XCL1: variants seen among roughly 807,000 people sequenced by gnomAD.
The protein encoded by XCL1 is lymphotactin.
XCL1 carries 6 observed loss-of-function variants against 7.4 expected under a neutral mutation model. The ratio of observed to expected loss-of-function variants is 0.82; its 90% CI spans 0.45 to 1.61. The LOEUF is 1.61. Ranked by LOEUF, XCL1 falls within the 40% of genes most tolerant of loss-of-function variation. XCL1 has a pLI of 0.01. For synonymous variants in XCL1, 48 were observed against 52.4 expected, an observed-to-expected ratio of 0.92 and a Z score of 0.36; for missense variants, 122 against 138.2, an observed-to-expected ratio of 0.88 and a Z score of 0.59.
chr1:168,576,886 A>C (rs1425803470), intron 1 of XCL1, among the ~76,000 whole-genome samples, 188 bp downstream of exon 1: 1 of 152,134 alleles, frequency 6.6e-6, no homozygotes, highest in Non-Finnish European at 1.5e-5. Context: ...AAACAGGGAG[A>C]ATTTGATTAG....
chr1:168,578,266 C>G (rs1655073628), intron 1 of XCL1, among the ~76,000 whole-genome samples: 1 of 152,108 alleles, frequency 6.6e-6, no homozygotes, highest in African/African-American at 2.4e-5. Context: ...TTTGTTTAGT[C>G]CCTTGCTTTA....
chr1:168,581,292 T>C lies in XCL1; in HGVS notation c.*72T>C. The stretch of plus-strand genomic sequence containing the variant: ...TTTACACGCTCATGGACTGAGTTTA[T>C]ACTCACCTTTTATGAAAGCACTGCA... On this transcript the variant is annotated 3_prime_UTR_variant, in exon 3 of 3. Transcript: ENST00000367818. The C allele has an allele frequency of 1.1e-5, 17 of 1,550,466 alleles. No individual in the cohort carries two copies. The Admixed American group carries it at 1.2e-4, about 11-fold the overall frequency.
rs376775998 is a variant in XCL1, at chr1:168,576,747, G to A, written c.61+49G>A. 6.2e-6 allele frequency: 10 copies of A among 1,613,026 alleles called. No homozygotes were observed. In the African/African-American group the frequency reaches 8.0e-5, roughly 13 times the overall value. On this transcript the variant is annotated intron_variant, in intron 1 of 2. Coordinates refer to ENST00000367818, the MANE Select transcript of XCL1 (RefSeq NM_002995.3). ...GATAAAGAACAGGGAGGCAAGGCAG[G>A]TGGGCACACATTTTGGGTTTGACTC...
intron 1 of XCL1, among the ~76,000 whole-genome samples, chr1:168,576,952 T>G (rs952094103): frequency 3.3e-5 from 5 of 152,204 alleles, no homozygotes; most frequent in African/African-American, 9.7e-5. Flanking sequence ...CCTTAACCAC[T>G]CAGGGCCTGT....
At chr1:168,577,560 T>G (rs1291270740) in intron 1 of XCL1, among the ~76,000 whole-genome samples, 1 of 152,170 alleles carries the variant, frequency 6.6e-6, no homozygotes, top group Non-Finnish European at 1.5e-5. Context: ...TGTGTTCTAG[T>G]TGGTAGGCTT....
Position 168,580,098 on chromosome 1 carries a change from G to T in XCL1, c.97G>T (p.Val33Leu). Residue 33 changes from valine to leucine, a missense_variant, in exon 2 of 3, where the codon GTG (valine) becomes TTG (leucine). By Grantham distance (32) the Val-to-Leu change is conservative. Transcript: ENST00000367818. ...GSEVSDKRTC[V>L]SLTTQRLPVS... is the part of the protein sequence containing the mutation. ...TGAAGTCTCAGATAAGAGGACCTGT[G>T]TGAGCCTCACTACCCAGCGACTGCC... 1 of 1,613,796 alleles carries T rather than the reference G, an allele frequency of 6.2e-7. No individual in the cohort carries two copies. The highest frequency in any genetic ancestry group is 8.5e-7 in the Non-Finnish European group (1 of 1,179,824).
At position 168,581,196 on chromosome 1, in the gene XCL1, T is replaced by C. The variant is rs775250315; in HGVS notation, c.321T>C (p.Asn107=). ...TKPTGTQQST[N]TAVTLTG ...CAACAGGAACCCAGCAATCGACCAA[T>C]ACAGCTGTGACTCTGACTGGCTAGT... Residue 107 remains asparagine, a synonymous_variant, in exon 3 of 3, where the codon AAT becomes AAC. Transcript: ENST00000367818. 8.7e-6 allele frequency: 14 copies of C among 1,613,676 alleles called. No individual in the cohort carries two copies. In the South Asian group the frequency reaches 1.4e-4, roughly 16 times the overall value.
In XCL1 at chr1:168,580,093, C is replaced by A. The variant is rs749756966; in HGVS notation, c.92C>A (p.Thr31Asn). 6 of 1,613,636 alleles carry A rather than the reference C, an allele frequency of 3.7e-6. No individual in the cohort carries two copies. The highest frequency in any genetic ancestry group is 4.2e-6 in the Non-Finnish European group (5 of 1,179,770). The stretch of plus-strand genomic sequence containing the variant: ...GGGAGTGAAGTCTCAGATAAGAGGA[C>A]CTGTGTGAGCCTCACTACCCAGCGA... ...GVGSEVSDKR[T>N]CVSLTTQRLP... Residue 31 changes from threonine (T) to asparagine (N), a missense_variant, in exon 2 of 3, where the codon ACC becomes AAC. By Grantham distance (65) the Thr-to-Asn change is moderately conservative. Coordinates refer to ENST00000367818, the MANE Select transcript of XCL1 (RefSeq NM_002995.3).
chr1:168,579,390 G>A (rs1655098758), intron 1 of XCL1: 1 of 178,230 alleles, frequency 5.6e-6, no homozygotes, highest in Non-Finnish European at 1.2e-5. Flanking sequence ...TCCTCACGAC[G>A]GCAGGGTCTG....
At position 168,581,296 on chromosome 1, in the gene XCL1, C is replaced by G; in HGVS notation, c.*76C>G. On this transcript the variant is annotated 3_prime_UTR_variant, in exon 3 of 3. Coordinates refer to ENST00000367818, the MANE Select transcript of XCL1 (RefSeq NM_002995.3). ...CACGCTCATGGACTGAGTTTATACT[C>G]ACCTTTTATGAAAGCACTGCATGAA... 1.3e-6 allele frequency: 2 copies of G among 1,533,390 alleles called. No individual in the cohort carries two copies. The highest frequency in any genetic ancestry group is 2.8e-5 in the African/African-American group (2 of 72,570). 95.0% of individuals were successfully genotyped at this position (1,533,390 alleles called of 1,614,324 possible).
At chr1:168,579,971 A>C (rs1469523400) in intron 1 of XCL1, 92 bp from the exon 2 acceptor site, 2 of 1,320,826 alleles carry the variant, frequency 1.5e-6, no homozygotes, top group Admixed American at 4.8e-5. Context: ...AAATTCTCAC[A>C]ACATTCTCAG....
intron 2 of XCL1, among the ~76,000 whole-genome samples, chr1:168,580,391 T>G (rs1655134263): frequency 6.6e-6 from 1 of 152,222 alleles, no homozygotes; most frequent in Admixed American, 6.5e-5. Context: ...AAAGAAAGAA[T>G]AGAAGTCCTC....
In XCL1 at chr1:168,581,080, T is replaced by C; in HGVS notation, c.205T>C (p.Cys69Arg). 2 of 1,613,768 alleles carry C rather than the reference T, an allele frequency of 1.2e-6. No individual in the cohort carries two copies. The highest frequency in any genetic ancestry group is 1.7e-6 in the Non-Finnish European group (2 of 1,179,740). ...IFITKRGLKV[C>R]ADPQATWVRD... ...TATTACCAAACGTGGCCTAAAAGTC[T>C]GTGCTGATCCACAAGCCACATGGGT... The change falls in exon 3 of 3, where the codon TGT becomes CGT. Residue 69 changes from cysteine to arginine, a missense_variant. Transcript: ENST00000367818.
chr1:168,578,984 T>A (rs1411056917), intron 1 of XCL1: 2 of 400,462 alleles, frequency 5.0e-6, no homozygotes, highest in Non-Finnish European at 9.8e-6. Flanking sequence ...CTGAGCCTTC[T>A]TCTTTTCCAG....
chr1:168,578,443 T>C lies in XCL1; in HGVS notation c.62-1620T>C, dbSNP rs146879112. Reference sequence around the variant, plus strand: ...CTTGGATTAGATTTCACCCAACCCTTAACAGTATTAATTCTCCCAAGTTAT... The same window carrying C: ...CTTGGATTAGATTTCACCCAACCCTCAACAGTATTAATTCTCCCAAGTTAT... On this transcript the variant is annotated intron_variant, in intron 1 of 2. Coordinates refer to ENST00000367818, the MANE Select transcript of XCL1 (RefSeq NM_002995.3). Among the ~76,000 whole-genome samples, 10 of 152,296 alleles carry C rather than the reference T, an allele frequency of 6.6e-5. No individual in the cohort carries two copies. In the East Asian group the frequency reaches 1.9e-3, roughly 29 times the overall value.
At chr1:168,578,365 C>T (rs776198611) in intron 1 of XCL1, among the ~76,000 whole-genome samples, 55 of 152,164 alleles carry the variant, frequency 3.6e-4, no homozygotes, top group Admixed American at 1.2e-3. Flanking sequence ...GCCTATTTCC[C>T]TGGGAAGCAA....
chr1:168,581,019 G>A, intron 2 of XCL1, 33 bp from the exon 3 acceptor site: 7 of 1,608,582 alleles, frequency 4.4e-6, no homozygotes, highest in Non-Finnish European at 6.0e-6. Context: ...TGAGAATGTG[G>A]CTAACTTCGT....
rs1338490898 is a variant in XCL1, at chr1:168,580,302, A to C, written c.176+125A>C. 28 of 1,043,358 alleles carry C rather than the reference A, an allele frequency of 2.7e-5. No homozygotes were observed. The East Asian group carries it at 6.6e-4, about 25-fold the overall frequency. The allele number at this position is 1,043,358 out of a possible 1,614,324, so 64.6% of individuals were successfully genotyped here. On this transcript the variant is annotated intron_variant, in intron 2 of 2. Coordinates refer to ENST00000367818, the MANE Select transcript of XCL1 (RefSeq NM_002995.3). ...TAGAGGAACACCTCAACTTAACCAA[A>C]AACCTCTTTAGTTTTCCTTATCAAT...
Position 168,580,410 on chromosome 1 carries a change from A to G in XCL1, c.176+233A>G, listed in dbSNP as rs557063091. The stretch of plus-strand genomic sequence containing the variant: ...AAAGAATAGAAGTCCTCCTCTATTT[A>G]GCTTAGTGGAAGAGTCTGTTGAATA... On this transcript the variant is annotated intron_variant, in intron 2 of 2. Coordinates refer to ENST00000367818, the MANE Select transcript of XCL1 (RefSeq NM_002995.3). Among the ~76,000 whole-genome samples the G allele has an allele frequency of 2.6e-3, 400 of 151,908 alleles. 2 individuals carry two copies. Among genetic ancestry groups the G allele is most frequent in the South Asian group, 0.011 (54 of 4,800 alleles).
Sources: allele counts gnomAD v4.1 joint callset (sites outside exome capture counted in the v4.1 genomes callset), GRCh38; gene constraint gnomAD v4.1.1; transcripts MANE v1.5; gene names NCBI Gene and HGNC (gene_info 2026-07-23, HGNC 2026-07-21).